ST6GAL1: variants seen among roughly 807,000 people sequenced by gnomAD.
ST6GAL1 encodes the protein ST6 beta-galactoside alpha-2,6-sialyltransferase 1.
A neutral mutation model predicts 38.0 loss-of-function variants in ST6GAL1; 20 were observed. The ratio of observed to expected loss-of-function variants is 0.53; its 90% confidence interval spans 0.37 to 0.77. The LOEUF (loss-of-function observed/expected upper bound fraction) is 0.77, where lower values mean the gene tolerates loss of function less well. ST6GAL1 is among the 30% of genes least tolerant of loss of function. ST6GAL1 has a pLI of 0.00. For missense variants in ST6GAL1, 432 were observed against 496.4 expected (o/e 0.87, Z 1.23); for synonymous variants, 196 against 188.2 (o/e 1.04, Z -0.34).
chr3:187,025,902 G>A (rs1424886321), intron 2 of ST6GAL1, among the ~76,000 whole-genome samples: 4 of 152,180 alleles, frequency 2.6e-5, no homozygotes, highest in African/African-American at 4.8e-5. Flanking sequence ...ATGTTCTGAG[G>A]ACTTCATTAT....
chr3:187,052,826 C>T (rs1718563049), intron 5 of ST6GAL1, among the ~76,000 whole-genome samples: 2 of 152,314 alleles, frequency 1.3e-5, no homozygotes, highest in Admixed American at 6.5e-5. Flanking sequence ...AATGGGATGG[C>T]TGAGTCAAAT....
intron 1 of ST6GAL1, among the ~76,000 whole-genome samples, chr3:186,936,416 AT>A (rs1386740378): frequency 1.3e-5 from 2 of 152,190 alleles, no homozygotes; most frequent in African/African-American, 4.8e-5. Flanking sequence ...TAAGAACTGA[AT>A]TAGAGGCAAA....
chr3:187,042,313 C>G (rs996340321), intron 3 of ST6GAL1, among the ~76,000 whole-genome samples: 1 of 151,860 alleles, frequency 6.6e-6, no homozygotes, highest in Non-Finnish European at 1.5e-5. Context: ...CTTCAAGAAA[C>G]TCAGAGTGCA....
chr3:186,979,595 G>C (rs1444201328), intron 2 of ST6GAL1, among the ~76,000 whole-genome samples: 1 of 152,118 alleles, frequency 6.6e-6, no homozygotes, highest in South Asian at 2.1e-4. Flanking sequence ...CATAGTGCTC[G>C]GGGGCATCCT....
At chr3:187,070,935 A>G (rs1222979915) in intron 5 of ST6GAL1, among the ~76,000 whole-genome samples, 1 of 152,178 alleles carries the variant, frequency 6.6e-6, no homozygotes, top group Non-Finnish European at 1.5e-5. Context: ...TGTCTCAAAG[A>G]TATATTGAGG....
chr3:187,007,143 C>G (rs183535708), intron 2 of ST6GAL1, among the ~76,000 whole-genome samples: 1 of 152,112 alleles, frequency 6.6e-6, no homozygotes, highest in Non-Finnish European at 1.5e-5. Context: ...CAATGACTCA[C>G]GATGAACATG....
intron 2 of ST6GAL1, among the ~76,000 whole-genome samples, chr3:187,023,721 A>T (rs1211338307): frequency 6.6e-6 from 1 of 151,418 alleles, no homozygotes; most frequent in Non-Finnish European, 1.5e-5. Flanking sequence ...AACATCACAC[A>T]CCGGGACTGT....
intron 5 of ST6GAL1, among the ~76,000 whole-genome samples, chr3:187,068,268 G>C (rs1719240154): frequency 6.6e-6 from 1 of 151,714 alleles, no homozygotes. Flanking sequence ...CTTGAACCTG[G>C]GTGGCGGAGG....
At chr3:186,996,897 C>T (rs1716430648) in intron 2 of ST6GAL1, among the ~76,000 whole-genome samples, 1 of 151,808 alleles carries the variant, frequency 6.6e-6, no homozygotes, top group African/African-American at 2.4e-5. Context: ...GTATCCTGCA[C>T]TTTCCACCTT....
chr3:186,981,567 A>G (rs1329730232), intron 2 of ST6GAL1, among the ~76,000 whole-genome samples: 3 of 152,328 alleles, frequency 2.0e-5, no homozygotes, highest in East Asian at 3.9e-4. Context: ...CCAATACACT[A>G]AGGCACTTCA....
chr3:187,065,576 GGTTT>G, intron 5 of ST6GAL1, among the ~76,000 whole-genome samples: 1 of 152,262 alleles, frequency 6.6e-6, no homozygotes, highest in Non-Finnish European at 1.5e-5. Flanking sequence ...AGAGTAAGAA[GGTTT>G]CTGTGAGACT....
intron 4 of ST6GAL1, among the ~76,000 whole-genome samples, chr3:187,045,984 G>A (rs1485417736): frequency 3.3e-5 from 5 of 152,160 alleles, no homozygotes; most frequent in Admixed American, 6.5e-5. Context: ...CTTAGAGAAC[G>A]TTGATAGTCA....
At chr3:187,022,558 A>G (rs1717365994) in intron 2 of ST6GAL1, among the ~76,000 whole-genome samples, 1 of 152,062 alleles carries the variant, frequency 6.6e-6, no homozygotes, top group Non-Finnish European at 1.5e-5. Flanking sequence ...CTCTGGGTGA[A>G]TAGATAGTGA....
At chr3:187,057,608 A>T (rs1404269046) in intron 5 of ST6GAL1, among the ~76,000 whole-genome samples, 1 of 152,164 alleles carries the variant, frequency 6.6e-6, no homozygotes, top group African/African-American at 2.4e-5. Context: ...TTGCCTGGGT[A>T]TCACCAGCAG....
intron 1 of ST6GAL1, among the ~76,000 whole-genome samples, chr3:186,945,706 G>T (rs1714334184): frequency 6.6e-6 from 1 of 152,128 alleles, no homozygotes; most frequent in South Asian, 2.1e-4. Context: ...ACCTTTTCCG[G>T]CTGGGCACGG....
chr3:187,074,236 C>A lies in ST6GAL1; in HGVS notation c.882C>A (p.Tyr294Ter). The change falls in exon 7 of 8, where the codon TAC becomes TAA. Residue 294 changes from tyrosine to a stop codon, truncating the protein, a stop_gained. Coordinates refer to ENST00000169298, the MANE Select transcript of ST6GAL1 (RefSeq NM_173216.2). LOFTEE classifies it high-confidence loss of function. ...YRKLHPNQPF[Y>*]ILKPQMPWEL... ...AGCTGCACCCCAATCAGCCCTTTTACATCCTCAAGCCCCAGATGCCTTGGG... is the reference window on the plus strand; with the variant it reads ...AGCTGCACCCCAATCAGCCCTTTTAAATCCTCAAGCCCCAGATGCCTTGGG... The A allele has an allele frequency of 6.2e-7, 1 of 1,613,104 alleles. No individual in the cohort carries two copies.
intron 6 of ST6GAL1, among the ~76,000 whole-genome samples, chr3:187,073,188 G>T (rs1288318521): frequency 1.3e-5 from 2 of 152,188 alleles, no homozygotes; most frequent in African/African-American, 4.8e-5. Context: ...AGTATTTACT[G>T]GGATAGTGGC....
Position 186,932,627 on chromosome 3 carries a change from A to G in ST6GAL1, c.-325+1793A>G, listed in dbSNP as rs549007797. 2.6e-5 allele frequency among the ~76,000 whole-genome samples: 4 copies of G among 152,310 alleles called. 1 individual carries two copies. Among genetic ancestry groups the G allele is most frequent in the African/African-American group, 7.2e-5 (3 of 41,570 alleles). ...ATGTTTTGCCTCTCATCCTTGTGCC[A>G]GGAGGCCTTTGTTTGGGCAAAAGCA... On this transcript the variant is annotated intron_variant, in intron 1 of 7. Transcript: ENST00000169298.
At chr3:186,980,752 CAG>C (rs2108537315) in intron 2 of ST6GAL1, among the ~76,000 whole-genome samples, 1 of 129,804 alleles carries the variant, frequency 7.7e-6, no homozygotes, top group Non-Finnish European at 1.6e-5. Flanking sequence ...GCCTGGGTGA[CAG>C]AGACTCCATC....
Sources: allele counts gnomAD v4.1 joint callset (sites outside exome capture counted in the v4.1 genomes callset), GRCh38; gene constraint gnomAD v4.1.1; transcripts MANE v1.5; gene names NCBI Gene and HGNC (gene_info 2026-07-23, HGNC 2026-07-21).